The following DOCK2 variants were observed in gnomAD, a reference collection of about 807,000 sequenced individuals.
DOCK2 encodes dedicator of cytokinesis protein 2.
A neutral mutation model predicts 248.9 loss-of-function variants in DOCK2; 87 were observed. That is an observed-to-expected ratio of 0.35 (90% CI 0.29 to 0.42). The LOEUF (loss-of-function observed/expected upper bound fraction) is 0.42. Among genes scored for constraint, DOCK2 ranks in the 10% least tolerant of loss-of-function variants. DOCK2 has a pLI of 1.00. For missense variants in DOCK2, 1,747 were observed against 2,300.2 expected, an observed-to-expected ratio of 0.76 and a Z score of 4.92; for synonymous variants, 805 against 821.6, an observed-to-expected ratio of 0.98 and a Z score of 0.35.
At chr5:169,714,266 G>A in intron 18 of DOCK2, 55 bp downstream of exon 18, 4 of 1,607,124 alleles carry the variant, frequency 2.5e-6, no homozygotes, top group Non-Finnish European at 3.4e-6. Context: ...CCGTGTGTGT[G>A]TACATGTGTG....
In DOCK2 at chr5:170,044,149, C is replaced by T. The variant is rs1015233207; in HGVS notation, c.3877-1667C>T. The stretch of plus-strand genomic sequence containing the variant: ...AGGGAGGCTCATTGCTCCAGGCACA[C>T]ATGCTGGCTTTCTACTCCATAAGTT... On this transcript the variant is annotated intron_variant, in intron 38 of 51. Transcript: ENST00000520908. Among the ~76,000 whole-genome samples the T allele has an allele frequency of 9.2e-5, 14 of 152,312 alleles. No homozygotes were observed. The South Asian group carries it at 2.7e-3, about 29-fold the overall frequency.
chr5:170,006,922 G>A (rs538511762), intron 30 of DOCK2, among the ~76,000 whole-genome samples: 4 of 152,268 alleles, frequency 2.6e-5, no homozygotes, highest in African/African-American at 7.2e-5. Context: ...AGAGACTTAC[G>A]CAAAATACTC....
intron 34 of DOCK2, among the ~76,000 whole-genome samples, chr5:170,030,778 G>A (rs1329596867): frequency 1.3e-5 from 2 of 152,204 alleles, no homozygotes; most frequent in Admixed American, 1.3e-4. Context: ...CCCTAGGCTA[G>A]TCATCTCAGT....
At chr5:170,057,487 C>A in intron 43 of DOCK2, 93 bp from the exon 44 acceptor site, 1 of 1,120,966 alleles carries the variant, frequency 8.9e-7, no homozygotes, top group Non-Finnish European at 1.4e-6. Context: ...GCCCGGGGAC[C>A]TGGCTGGGTT....
chr5:169,718,712 T>C lies in DOCK2; in HGVS notation c.2188T>C (p.Cys730Arg). The change falls in exon 22 of 52, where the codon TGT becomes CGT. Residue 730 changes from cysteine to arginine, a missense_variant. Transcript: ENST00000520908. ...GGATACCTCCAGCAGAGGGGAGCAA[T>C]GTGAGCCAATCCTAAGAACGCTGAA... The part of the protein sequence containing the change: ...YLDTSSRGEQ[C>R]EPILRTLKAL... 1.2e-6 allele frequency: 2 copies of C among 1,613,994 alleles called. No individual in the cohort carries two copies. Among genetic ancestry groups the C allele is most frequent in the Non-Finnish European group, 1.7e-6 (2 of 1,179,908 alleles).
At chr5:169,807,316 A>G (rs953348003) in intron 26 of DOCK2, among the ~76,000 whole-genome samples, 31 of 152,182 alleles carry the variant, frequency 2.0e-4, no homozygotes, top group South Asian at 1.0e-3. Flanking sequence ...GTTTCTGATC[A>G]TTAGTCTGGA....
chr5:169,778,938 T>A (rs1375136556), intron 25 of DOCK2, among the ~76,000 whole-genome samples: 1 of 152,206 alleles, frequency 6.6e-6, no homozygotes, highest in African/African-American at 2.4e-5. Flanking sequence ...GTATGTGGTA[T>A]TCGTTTTTCT....
chr5:170,025,999 C>T (rs989520641), intron 33 of DOCK2, among the ~76,000 whole-genome samples: 2 of 152,038 alleles, frequency 1.3e-5, no homozygotes, highest in South Asian at 4.2e-4. Flanking sequence ...TTATCACAGT[C>T]CTACCCATTT....
chr5:169,702,697 GTATT>G (rs33967344), intron 14 of DOCK2: 56,137 of 205,528 alleles, frequency 0.27, 8,285 homozygotes, highest in Admixed American at 0.41. Flanking sequence ...ATGTATGTAT[GTATT>G]TATTTATTTA....
At chr5:169,656,645 C>T (rs923372970) in intron 2 of DOCK2, among the ~76,000 whole-genome samples, 27 of 152,236 alleles carry the variant, frequency 1.8e-4, no homozygotes, top group African/African-American at 5.8e-4. Flanking sequence ...CAAGCCCACA[C>T]TCTTTCCTCC....
intron 14 of DOCK2, among the ~76,000 whole-genome samples, chr5:169,706,142 G>A (rs752468565): frequency 3.3e-5 from 5 of 152,232 alleles, no homozygotes; most frequent in Non-Finnish European, 7.3e-5. Flanking sequence ...GACTGGTACT[G>A]AGACTTTTTT....
intron 33 of DOCK2, among the ~76,000 whole-genome samples, chr5:170,020,308 C>T (rs1019617537): frequency 5.9e-5 from 9 of 152,178 alleles, no homozygotes; most frequent in South Asian, 2.1e-4. Flanking sequence ...ACTGATCCTG[C>T]GAAGCCCATC....
intron 27 of DOCK2, among the ~76,000 whole-genome samples, chr5:169,923,017 C>T (rs891614850): frequency 1.3e-5 from 2 of 152,140 alleles, no homozygotes; most frequent in East Asian, 1.9e-4. Context: ...ATAATTTTAC[C>T]GTATTTCACA....
intron 30 of DOCK2, among the ~76,000 whole-genome samples, chr5:170,002,009 G>A (rs534996208): frequency 4.9e-4 from 75 of 152,236 alleles, no homozygotes; most frequent in Non-Finnish European, 4.6e-4. Context: ...GACTCAGAAA[G>A]GTAGGGTACC....
At chr5:169,842,271 T>G (rs1203419335) in intron 27 of DOCK2, among the ~76,000 whole-genome samples, 2 of 152,192 alleles carry the variant, frequency 1.3e-5, no homozygotes, top group Non-Finnish European at 2.9e-5. Flanking sequence ...ACTCTTGCTT[T>G]TTTGGGCCAG....
At chr5:169,807,767 G>A (rs1303408093) in intron 26 of DOCK2, among the ~76,000 whole-genome samples, 1 of 143,178 alleles carries the variant, frequency 7.0e-6, no homozygotes, top group Non-Finnish European at 1.5e-5. Flanking sequence ...CTGGGAGGTG[G>A]AGCTTGCAGT....
intron 22 of DOCK2, among the ~76,000 whole-genome samples, chr5:169,722,759 G>C (rs763472156): frequency 2.6e-5 from 4 of 152,210 alleles, no homozygotes; most frequent in Non-Finnish European, 5.9e-5. Flanking sequence ...CAGCAAGGGT[G>C]CTTTTTTCAA....
chr5:169,855,564 C>T (rs1444607034), intron 27 of DOCK2, among the ~76,000 whole-genome samples: 1 of 152,134 alleles, frequency 6.6e-6, no homozygotes, highest in African/African-American at 2.4e-5. Flanking sequence ...CAGGGAATGA[C>T]ATTGCTAGAT....
chr5:169,712,079 A>G (rs1023557347), intron 16 of DOCK2, 41 bp from the exon 17 acceptor site: 3 of 1,613,746 alleles, frequency 1.9e-6, no homozygotes, highest in Admixed American at 1.7e-5. Flanking sequence ...TGGGTGGCCC[A>G]TGTATCATTT....
Sources: gnomAD v4.1 joint callset for allele counts (sites outside exome capture counted in the v4.1 genomes callset) on GRCh38, gnomAD v4.1.1 for gene constraint, MANE v1.5 for transcripts, NCBI Gene and HGNC (gene_info 2026-07-23, HGNC 2026-07-21) for gene names.